Variants in SLC14A2 observed in about 807,000 individuals in gnomAD.
SLC14A2 encodes the protein solute carrier family 14 member 2.
SLC14A2 carries 91 observed loss-of-function variants against 104.6 expected under a neutral mutation model. That is an observed-to-expected ratio of 0.87 (90% confidence interval 0.73 to 1.04). The LOEUF is 1.04. SLC14A2 is among the 50% of genes least tolerant of loss of function. The pLI is 0.00. For missense variants in SLC14A2, 1,189 were observed against 1,156.0 expected (o/e 1.03, Z -0.41); for synonymous variants, 476 against 466.4 (o/e 1.02, Z -0.27).
the SLC14A2 span, among the ~76,000 whole-genome samples, chr18:45,207,409 G>A: frequency 6.6e-6 from 1 of 150,408 alleles, no homozygotes; most frequent in Non-Finnish European, 1.5e-5. Context: ...GGAAAAGAGA[G>A]AGAAAGAGAG....
At chr18:45,260,337 C>T (rs568003204) in intron 1 of SLC14A2, among the ~76,000 whole-genome samples, 2 of 152,248 alleles carry the variant, frequency 1.3e-5, no homozygotes, top group East Asian at 3.9e-4. Flanking sequence ...TGAGTCACAT[C>T]ATGAAGTAAC....
intron 1 of SLC14A2, among the ~76,000 whole-genome samples, chr18:45,256,837 A>G (rs2084484014): frequency 6.6e-6 from 1 of 152,194 alleles, no homozygotes; most frequent in African/African-American, 2.4e-5. Context: ...CTAAATTAGG[A>G]TTTTGGAATA....
intron 1 of SLC14A2, among the ~76,000 whole-genome samples, chr18:45,412,365 C>T (rs1203944183): frequency 6.6e-6 from 1 of 152,158 alleles, no homozygotes; most frequent in Non-Finnish European, 1.5e-5. Context: ...AGTAAATTAG[C>T]AGTCACTAGA....
intron 1 of SLC14A2, among the ~76,000 whole-genome samples, chr18:45,402,531 T>C (rs922503309): frequency 6.6e-5 from 10 of 152,224 alleles, no homozygotes; most frequent in Non-Finnish European, 1.3e-4. Context: ...TAGATAACTA[T>C]ACCATTTGTG....
At chr18:45,313,146 C>T (rs796575216) in intron 1 of SLC14A2, among the ~76,000 whole-genome samples, 11 of 152,308 alleles carry the variant, frequency 7.2e-5, no homozygotes, top group South Asian at 2.1e-4. Flanking sequence ...GCCACCAAAC[C>T]GGATGGCATC....
chr18:45,495,239 C>A (rs1220275127), intron 2 of SLC14A2, among the ~76,000 whole-genome samples: 1 of 152,102 alleles, frequency 6.6e-6, no homozygotes, highest in Non-Finnish European at 1.5e-5. Context: ...ATAATAACAA[C>A]CACAAAAAAC....
chr18:45,578,678 T>G (rs2144354290), intron 2 of SLC14A2, among the ~76,000 whole-genome samples: 1 of 152,360 alleles, frequency 6.6e-6, no homozygotes. Flanking sequence ...ACCACCAATG[T>G]TATAGACATA....
intron 2 of SLC14A2, among the ~76,000 whole-genome samples, chr18:45,577,166 A>AGCTAACCCTGGGAGGGTTAATTT (rs1348779390): frequency 2.0e-5 from 3 of 151,406 alleles, no homozygotes; most frequent in Non-Finnish European, 4.4e-5. Context: ...TCTAGGAATT[A>AGCTAACCCTGGGAGGGTTAATTT]GCTAACCTCC....
At chr18:45,261,997 T>C (rs1428859484) in intron 1 of SLC14A2, among the ~76,000 whole-genome samples, 1 of 152,192 alleles carries the variant, frequency 6.6e-6, no homozygotes, top group Non-Finnish European at 1.5e-5. Context: ...ACTTCCACAA[T>C]GGTTGAACTA....
intron 1 of SLC14A2, among the ~76,000 whole-genome samples, chr18:45,432,673 A>G (rs1429230324): frequency 6.6e-6 from 1 of 152,192 alleles, no homozygotes; most frequent in Non-Finnish European, 1.5e-5. Flanking sequence ...TGATATGTTC[A>G]TGATTCCTGC....
At chr18:45,602,087 C>T (rs1328815421) in intron 2 of SLC14A2, among the ~76,000 whole-genome samples, 5 of 152,196 alleles carry the variant, frequency 3.3e-5, no homozygotes, top group African/African-American at 1.2e-4. Flanking sequence ...CAAACTCCAC[C>T]AGACCTTCAG....
chr18:45,554,297 G>A (rs938088490), intron 2 of SLC14A2, among the ~76,000 whole-genome samples: 1 of 152,152 alleles, frequency 6.6e-6, no homozygotes, highest in African/African-American at 2.4e-5. Context: ...GGAGTTGGGG[G>A]GAAGAAGGGG....
At chr18:45,332,642 C>T (rs2085301566) in intron 1 of SLC14A2, among the ~76,000 whole-genome samples, 1 of 152,166 alleles carries the variant, frequency 6.6e-6, no homozygotes, top group South Asian at 2.1e-4. Flanking sequence ...CATAACCATA[C>T]ATCAAAGAGA....
chr18:45,557,007 T>C (rs948840513), intron 2 of SLC14A2, among the ~76,000 whole-genome samples: 1 of 152,246 alleles, frequency 6.6e-6, no homozygotes, highest in Non-Finnish European at 1.5e-5. Flanking sequence ...ACCAGGTTTA[T>C]GCTACAGTGA....
At chr18:45,596,863 A>C (rs559965335) in intron 2 of SLC14A2, among the ~76,000 whole-genome samples, 1 of 152,310 alleles carries the variant, frequency 6.6e-6, no homozygotes, top group East Asian at 1.9e-4. Flanking sequence ...GATGACACAA[A>C]AACTGCCTTC....
intron 2 of SLC14A2, among the ~76,000 whole-genome samples, chr18:45,590,290 T>TCCTTGCCTC (rs2044629752): frequency 6.6e-6 from 1 of 152,162 alleles, no homozygotes. Flanking sequence ...GTGCTGGCTC[T>TCCTTGCCTC]CCTTGCCTCA....
chr18:45,669,988 C>T (rs981485894), intron 16 of SLC14A2, among the ~76,000 whole-genome samples: 15 of 152,214 alleles, frequency 9.9e-5, no homozygotes, highest in African/African-American at 3.6e-4. Context: ...CAAAGCTGGG[C>T]CTGGTGGCAC....
intron 2 of SLC14A2, among the ~76,000 whole-genome samples, chr18:45,555,354 G>T (rs577711256): frequency 6.6e-6 from 1 of 152,320 alleles, no homozygotes; most frequent in South Asian, 2.1e-4. Context: ...TCAACTTTCT[G>T]ATGGTATAAA....
intron 1 of SLC14A2, among the ~76,000 whole-genome samples, chr18:45,293,321 A>C (rs2084888818): frequency 1.3e-5 from 2 of 152,182 alleles, no homozygotes; most frequent in Admixed American, 1.3e-4. Flanking sequence ...GTATCCATAA[A>C]GCCCATGCCA....
Sources: gnomAD v4.1 joint callset for allele counts (sites outside exome capture counted in the v4.1 genomes callset) on GRCh38, gnomAD v4.1.1 for gene constraint, MANE v1.5 for transcripts, NCBI Gene and HGNC (gene_info 2026-07-23, HGNC 2026-07-21) for gene names.